The following XKR9 variants were observed in gnomAD, a reference collection of about 807,000 sequenced individuals.
The protein encoded by XKR9 is XK-related protein 9.
XKR9 carries 32 observed loss-of-function variants against 32.0 expected under a neutral mutation model. That is an observed-to-expected ratio of 1.00 (90% CI 0.76 to 1.34). The LOEUF (loss-of-function observed/expected upper bound fraction) is 1.34, where lower values mean the gene tolerates loss of function less well. XKR9 is among the 40% of genes most tolerant of loss of function. The probability of loss-of-function intolerance (pLI) is 0.00; values close to 1 mark genes in which losing one functional copy is unlikely to be tolerated. For missense variants in XKR9, 546 were observed against 429.7 expected (o/e 1.27, Z -2.39); for synonymous variants, 168 against 143.4 (o/e 1.17, Z -1.22).
chr8:70,939,979 G>A, the XKR9 span, among the ~76,000 whole-genome samples: 1 of 151,822 alleles, frequency 6.6e-6, no homozygotes, highest in Non-Finnish European at 1.5e-5. Flanking sequence ...ACACAACTTT[G>A]TGTAATTTAC....
chr8:70,819,376 A>C, the XKR9 span, among the ~76,000 whole-genome samples: 2 of 152,252 alleles, frequency 1.3e-5, no homozygotes, highest in African/African-American at 4.8e-5. Flanking sequence ...ACCTCTTAGA[A>C]GTTTCCAGCA....
At chr8:70,702,892 A>G (rs1192995804) in intron 3 of XKR9, among the ~76,000 whole-genome samples, 1 of 152,162 alleles carries the variant, frequency 6.6e-6, no homozygotes, top group East Asian at 1.9e-4. Context: ...ATCCATTTAC[A>G]TTTAGTGTAA....
chr8:70,702,076 G>A (rs1563433861), intron 3 of XKR9, among the ~76,000 whole-genome samples: 1 of 152,090 alleles, frequency 6.6e-6, no homozygotes, highest in Non-Finnish European at 1.5e-5. Flanking sequence ...GCCCTTGTAT[G>A]GAGTTAAATG....
the XKR9 span, among the ~76,000 whole-genome samples, chr8:70,994,747 GT>G: frequency 0.21 from 26,289 of 126,618 alleles, 2,198 homozygotes; most frequent in African/African-American, 0.28. Flanking sequence ...GTTATATTCT[GT>G]TTTTTTTTTT....
At chr8:71,047,850 A>G in the XKR9 span, among the ~76,000 whole-genome samples, 1 of 152,204 alleles carries the variant, frequency 6.6e-6, no homozygotes, top group African/African-American at 2.4e-5. Context: ...ACTCATTTGT[A>G]TATGGAAGCA....
At chr8:70,724,108 A>G (rs1586859132) in intron 4 of XKR9, among the ~76,000 whole-genome samples, 1 of 151,994 alleles carries the variant, frequency 6.6e-6, no homozygotes, top group South Asian at 2.1e-4. Context: ...CTAGAGAGGC[A>G]CTCTGGCCAC....
At chr8:70,772,126 T>C (rs1450059541) in intron 2 of XKR9, among the ~76,000 whole-genome samples, 1 of 152,210 alleles carries the variant, frequency 6.6e-6, no homozygotes, top group Non-Finnish European at 1.5e-5. Context: ...ACCTTGAGAA[T>C]GTATTATCTT....
At chr8:70,701,628 T>A (rs1437158932) in intron 3 of XKR9, among the ~76,000 whole-genome samples, 1 of 152,152 alleles carries the variant, frequency 6.6e-6, no homozygotes, top group African/African-American at 2.4e-5. Context: ...ATGGGCCAAA[T>A]TATCCAAAGG....
chr8:70,756,442 G>A (rs1161115267), intron 2 of XKR9, among the ~76,000 whole-genome samples: 2 of 152,152 alleles, frequency 1.3e-5, no homozygotes, highest in Non-Finnish European at 2.9e-5. Context: ...TGAATCTATG[G>A]ATCAGTTTGG....
In XKR9 at chr8:70,734,179, G is replaced by C. The variant is rs140733779; in HGVS notation, c.877G>C (p.Val293Leu). The C allele has an allele frequency of 1.6e-4, 252 of 1,613,292 alleles. 1 individual carries two copies. The highest frequency in any genetic ancestry group is 1.5e-3 in the South Asian group (141 of 91,032). ...TKCPMSCYYI[V>L]RVLGTLGILT... ...GTGTCCAATGTCTTGTTATTATATTGTTAGGGTACTGGGCACTTTGGGGAT... is the reference window on the plus strand; with the variant it reads ...GTGTCCAATGTCTTGTTATTATATTCTTAGGGTACTGGGCACTTTGGGGAT... The change falls in exon 5 of 5, where the codon GTT (valine) becomes CTT (leucine). Residue 293 changes from valine (V) to leucine (L), a missense_variant. Transcript: ENST00000408926.
intron 2 of XKR9, among the ~76,000 whole-genome samples, chr8:70,753,370 A>T (rs1377284769): frequency 6.6e-6 from 1 of 151,896 alleles, no homozygotes; most frequent in Non-Finnish European, 1.5e-5. Flanking sequence ...TTCTGAAACT[A>T]TTCCACTCAA....
chr8:70,870,476 G>C, the XKR9 span, among the ~76,000 whole-genome samples: 9 of 152,136 alleles, frequency 5.9e-5, no homozygotes, highest in Non-Finnish European at 1.2e-4. Context: ...TTCTATTGGT[G>C]GGACTTTTTC....
At chr8:70,809,787 A>G in the XKR9 span, among the ~76,000 whole-genome samples, 1 of 152,246 alleles carries the variant, frequency 6.6e-6, no homozygotes, top group Non-Finnish European at 1.5e-5. Context: ...ATATGGGACT[A>G]TGTGAAAAGA....
At chr8:70,863,847 T>C in the XKR9 span, among the ~76,000 whole-genome samples, 2 of 152,312 alleles carry the variant, frequency 1.3e-5, no homozygotes, top group South Asian at 4.1e-4. Flanking sequence ...CTCATACTGG[T>C]GCTAGAATTT....
At chr8:70,874,729 C>T in the XKR9 span, among the ~76,000 whole-genome samples, 3 of 152,162 alleles carry the variant, frequency 2.0e-5, no homozygotes, top group Non-Finnish European at 4.4e-5. Flanking sequence ...TCCAGAGACT[C>T]GTGTAATGTC....
chr8:70,801,337 A>T, the XKR9 span, among the ~76,000 whole-genome samples: 1 of 152,022 alleles, frequency 6.6e-6, no homozygotes, highest in African/African-American at 2.4e-5. Context: ...ACACTGCTTT[A>T]GTTGTGTTCT....
the XKR9 span, among the ~76,000 whole-genome samples, chr8:70,901,549 T>C: frequency 1.3e-5 from 2 of 152,214 alleles, no homozygotes; most frequent in South Asian, 4.1e-4. Flanking sequence ...CTTTGTAGAT[T>C]CTGGATATTA....
At chr8:70,805,270 A>G in the XKR9 span, among the ~76,000 whole-genome samples, 2 of 152,188 alleles carry the variant, frequency 1.3e-5, no homozygotes, top group African/African-American at 4.8e-5. Flanking sequence ...GGAACTGTGC[A>G]ACCCATGAAT....
At chr8:70,861,767 G>A in the XKR9 span, among the ~76,000 whole-genome samples, 1 of 152,118 alleles carries the variant, frequency 6.6e-6, no homozygotes, top group Non-Finnish European at 1.5e-5. Context: ...ATACATATTA[G>A]CTGTTCAACT....
Sources: gnomAD v4.1 joint callset for allele counts (sites outside exome capture counted in the v4.1 genomes callset) on GRCh38, gnomAD v4.1.1 for gene constraint, MANE v1.5 for transcripts, NCBI Gene and HGNC (gene_info 2026-07-23, HGNC 2026-07-21) for gene names.